Variants in GFRAL observed in about 807,000 individuals in gnomAD.
GFRAL encodes the protein GDNF family receptor alpha-like.
Under a neutral mutation model 45.4 loss-of-function variants are expected in GFRAL, and 36 were observed. That is an observed-to-expected ratio of 0.79 (90% CI 0.61 to 1.05). The LOEUF is 1.05. GFRAL is among the 50% of genes least tolerant of loss of function. The pLI, the probability that GFRAL is intolerant of heterozygous loss-of-function variation, is 0.00. For synonymous variants in GFRAL, 166 were observed against 154.1 expected (o/e 1.08, Z -0.57); for missense variants, 507 against 467.5 (o/e 1.08, Z -0.78).
At chr6:55,380,834 A>G (rs1329246585) in intron 6 of GFRAL, among the ~76,000 whole-genome samples, 3 of 152,000 alleles carry the variant, frequency 2.0e-5, no homozygotes, top group Non-Finnish European at 4.4e-5. Context: ...TGAATTCAAT[A>G]GCTTTTCCTT....
At chr6:55,335,130 T>G (rs1423613057) in intron 3 of GFRAL, among the ~76,000 whole-genome samples, 12 of 152,186 alleles carry the variant, frequency 7.9e-5, no homozygotes, top group African/African-American at 2.9e-4. Flanking sequence ...TGTATAAAAG[T>G]TCCTGTTGCT....
chr6:55,381,027 C>T (rs1376137298), intron 6 of GFRAL, among the ~76,000 whole-genome samples: 1 of 151,906 alleles, frequency 6.6e-6, no homozygotes, highest in African/African-American at 2.4e-5. Context: ...CAACACTTTT[C>T]CTTTTTATAG....
chr6:55,351,813 T>G (rs745943851), intron 5 of GFRAL, among the ~76,000 whole-genome samples: 1 of 152,122 alleles, frequency 6.6e-6, no homozygotes, highest in Non-Finnish European at 1.5e-5. Flanking sequence ...TGTCAAAATA[T>G]GGTAGCCATG....
At chr6:55,331,082 C>T (rs116686522) in intron 1 of GFRAL, among the ~76,000 whole-genome samples, 2,064 of 152,056 alleles carry the variant, frequency 0.014, 24 homozygotes, top group Non-Finnish European at 0.023. Context: ...ATGACAGGAA[C>T]GCTGGAAATA....
chr6:55,350,762 G>C (rs7744456), intron 4 of GFRAL, among the ~76,000 whole-genome samples: 13,051 of 152,046 alleles, frequency 0.086, 584 homozygotes, highest in South Asian at 0.12. Context: ...AAGTTATTTG[G>C]CACCAACTGT....
chr6:55,333,700 G>A (rs1767858091), intron 2 of GFRAL, 86 bp from the exon 3 acceptor site: 3 of 739,956 alleles, frequency 4.1e-6, no homozygotes, highest in East Asian at 5.8e-5. Context: ...AATTATTCAG[G>A]TTAATATGTT....
In GFRAL at chr6:55,369,530, T is replaced by C. The variant is rs142765205; in HGVS notation, c.952+10392T>C. 1.3e-4 allele frequency among the ~76,000 whole-genome samples: 20 copies of C among 152,302 alleles called. No homozygotes were observed. In the East Asian group the frequency reaches 3.5e-3, roughly 26 times the overall value. ...GTAGAGCTATATCATAATTGTTAAC[T>C]AATCTCCTGTTAATGTGGATATTTT... On this transcript the variant is annotated intron_variant, in intron 6 of 8. Coordinates refer to ENST00000340465, the MANE Select transcript of GFRAL (RefSeq NM_207410.2).
At chr6:55,334,089 G>T (rs992819599) in intron 3 of GFRAL, 145 bp downstream of exon 3, 6 of 565,742 alleles carry the variant, frequency 1.1e-5, no homozygotes, top group Non-Finnish European at 1.5e-5. Context: ...AATTTTGTTG[G>T]TATATAGTAG....
At chr6:55,381,002 G>A (rs1768600688) in intron 6 of GFRAL, among the ~76,000 whole-genome samples, 1 of 151,894 alleles carries the variant, frequency 6.6e-6, no homozygotes, top group Non-Finnish European at 1.5e-5. Flanking sequence ...AACATTTCAA[G>A]CTCCTTGTAT....
At chr6:55,364,821 A>T (rs1412458438) in intron 6 of GFRAL, among the ~76,000 whole-genome samples, 1 of 152,034 alleles carries the variant, frequency 6.6e-6, no homozygotes, top group African/African-American at 2.4e-5. Context: ...TACCAGTACC[A>T]TGCTGTTTTG....
chr6:55,346,555 G>A (rs558539621), intron 3 of GFRAL, among the ~76,000 whole-genome samples: 1 of 151,922 alleles, frequency 6.6e-6, no homozygotes, highest in Admixed American at 6.6e-5. Context: ...GGTGGTAGGA[G>A]GGGGGAGGGA....
intron 6 of GFRAL, among the ~76,000 whole-genome samples, chr6:55,375,821 C>T (rs1768525686): frequency 6.6e-6 from 1 of 152,114 alleles, no homozygotes. Flanking sequence ...AATTTGACTT[C>T]CTCTTTTCCT....
At chr6:55,385,628 C>A (rs993720241) in intron 6 of GFRAL, among the ~76,000 whole-genome samples, 1 of 152,070 alleles carries the variant, frequency 6.6e-6, no homozygotes, top group Admixed American at 6.6e-5. Flanking sequence ...TGATTTTATT[C>A]ACCATAATAT....
chr6:55,393,956 C>CG (rs1205294698), intron 6 of GFRAL, among the ~76,000 whole-genome samples: 3 of 152,068 alleles, frequency 2.0e-5, no homozygotes, highest in African/African-American at 7.2e-5. Flanking sequence ...ATTGAAGCAC[C>CG]TATGCTGGAA....
At chr6:55,371,782 CAGAAAT>C (rs1768453969) in intron 6 of GFRAL, among the ~76,000 whole-genome samples, 2 of 152,070 alleles carry the variant, frequency 1.3e-5, no homozygotes, top group African/African-American at 4.8e-5. Flanking sequence ...GTTAGACTAT[CAGAAAT>C]AGAACTAAAG....
At chr6:55,360,234 C>T (rs898413050) in intron 6 of GFRAL, among the ~76,000 whole-genome samples, 7 of 151,872 alleles carry the variant, frequency 4.6e-5, no homozygotes, top group African/African-American at 7.3e-5. Context: ...CAACCTTCGA[C>T]GTCCCCAAAC....
intron 6 of GFRAL, among the ~76,000 whole-genome samples, chr6:55,365,655 G>C (rs1300222586): frequency 7.2e-6 from 1 of 139,126 alleles, no homozygotes; most frequent in Non-Finnish European, 1.6e-5. Flanking sequence ...ATGAAGGGTT[G>C]TTGAATTTTG....
intron 6 of GFRAL, among the ~76,000 whole-genome samples, chr6:55,364,207 C>T (rs1211625314): frequency 6.6e-6 from 1 of 151,168 alleles, no homozygotes; most frequent in African/African-American, 2.4e-5. Context: ...AGCATTTTTT[C>T]ATGTGTTTTT....
chr6:55,369,628 G>C (rs554440864), intron 6 of GFRAL, among the ~76,000 whole-genome samples: 2 of 152,176 alleles, frequency 1.3e-5, no homozygotes, highest in East Asian at 3.9e-4. Context: ...CATTTGAATA[G>C]AGTAAGTTTC....
Sources: gnomAD v4.1 joint callset for allele counts (sites outside exome capture counted in the v4.1 genomes callset) on GRCh38, gnomAD v4.1.1 for gene constraint, MANE v1.5 for transcripts, NCBI Gene and HGNC (gene_info 2026-07-23, HGNC 2026-07-21) for gene names.